Variants in SPATA1 observed in about 807,000 individuals in gnomAD.
SPATA1 encodes the protein spermatogenesis associated 1, also known as spermatogenesis-associated protein 1.
Under a neutral mutation model 59.6 loss-of-function variants are expected in SPATA1, and 57 were observed. The observed-to-expected ratio is 0.96, with a 90% CI of 0.77 to 1.19. SPATA1 has a LOEUF of 1.19. Ranked by LOEUF, SPATA1 falls within the 50% of genes most tolerant of loss-of-function variation. The pLI is 0.00. For synonymous variants in SPATA1, 147 were observed against 163.9 expected (o/e 0.90, Z 0.79); for missense variants, 448 against 480.7 (o/e 0.93, Z 0.64).
rs1682802488 is a variant in SPATA1, at chr1:84,516,537, C to T, written c.36+142C>T. 38 of 568,620 alleles carry T rather than the reference C, an allele frequency of 6.7e-5. No individual in the cohort carries two copies. In the South Asian group the frequency reaches 9.0e-4, roughly 14 times the overall value. 35.2% of individuals were successfully genotyped at this position (568,620 alleles called of 1,614,324 possible). ...GATCCCAACTTCATGTATCCCATTGCCTGATTACACTTCTCGTGTCTCTAG... is the reference window on the plus strand; with the variant it reads ...GATCCCAACTTCATGTATCCCATTGTCTGATTACACTTCTCGTGTCTCTAG... On this transcript the variant is annotated intron_variant, in intron 2 of 12. Transcript: ENST00000490879.
chr1:84,526,393 C>T (rs2101952286), intron 6 of SPATA1, among the ~76,000 whole-genome samples: 1 of 152,180 alleles, frequency 6.6e-6, no homozygotes, highest in Middle Eastern at 3.4e-3. Context: ...GGAAAGGTGA[C>T]TGCATAAAAC....
At chr1:84,511,426 A>G (rs993606924) in intron 1 of SPATA1, among the ~76,000 whole-genome samples, 11 of 152,144 alleles carry the variant, frequency 7.2e-5, no homozygotes, top group African/African-American at 2.7e-4. Context: ...GAACTTTTCA[A>G]CTCAAGACAA....
chr1:84,536,132 A>C (rs1393053983), intron 8 of SPATA1, among the ~76,000 whole-genome samples: 2 of 152,238 alleles, frequency 1.3e-5, no homozygotes, highest in African/African-American at 4.8e-5. Context: ...ATATTTTGTT[A>C]ATTCATGCTA....
At chr1:84,549,067 T>A in intron 11 of SPATA1, 103 bp downstream of exon 11, 2 of 1,147,398 alleles carry the variant, frequency 1.7e-6, no homozygotes, top group Non-Finnish European at 2.3e-6. Context: ...AACTTTGACT[T>A]AAACTTGCTT....
chr1:84,509,888 A>G (rs6660306), intron 1 of SPATA1, among the ~76,000 whole-genome samples: 30,846 of 151,974 alleles, frequency 0.2, 4,501 homozygotes, highest in African/African-American at 0.41. Flanking sequence ...GATTACATCA[A>G]GTTAAAAACC....
chr1:84,521,193 AAGGGAGGG>A (rs757620328), intron 3 of SPATA1, among the ~76,000 whole-genome samples: 2 of 144,456 alleles, frequency 1.4e-5, no homozygotes, highest in Non-Finnish European at 3.0e-5. Context: ...GAACGGAAGG[AAGGGAGGG>A]AGGGAGGGAA....
downstream of SPATA1, chr1:84,554,902 G>T: frequency 2.2e-6 from 2 of 914,498 alleles, no homozygotes; most frequent in South Asian, 1.7e-5. Flanking sequence ...TTAGTATACG[G>T]ATAACAAAAG....
intron 6 of SPATA1, among the ~76,000 whole-genome samples, chr1:84,526,561 TAACTC>T (rs1200589283): frequency 6.6e-6 from 1 of 152,134 alleles, no homozygotes; most frequent in East Asian, 1.9e-4. Context: ...TAATTACTAA[TAACTC>T]AATTCTTCAA....
At chr1:84,546,457 CAAA>C (rs10618711) in intron 10 of SPATA1, among the ~76,000 whole-genome samples, 3,083 of 82,052 alleles carry the variant, frequency 0.038, 106 homozygotes, top group African/African-American at 0.12. Flanking sequence ...GACTCTGCCT[CAAA>C]AAAAAAAAAA....
At chr1:84,531,001 T>C (rs956676809) in intron 6 of SPATA1, among the ~76,000 whole-genome samples, 1 of 152,228 alleles carries the variant, frequency 6.6e-6, no homozygotes, top group African/African-American at 2.4e-5. Context: ...TTTAAACATA[T>C]ATTTGTTGGA....
chr1:84,506,441 G>C (rs1309521204), intron 1 of SPATA1, 23 bp downstream of exon 1: 1 of 170,370 alleles, frequency 5.9e-6, no homozygotes, highest in African/African-American at 2.4e-5. Flanking sequence ...CTTACCGTTA[G>C]CCGCGAAGAA....
intron 3 of SPATA1, among the ~76,000 whole-genome samples, chr1:84,521,467 C>T (rs1341859804): frequency 1.3e-5 from 2 of 152,172 alleles, no homozygotes; most frequent in Non-Finnish European, 2.9e-5. Flanking sequence ...ATAGCCCTAC[C>T]TCAGGACCCT....
At chr1:84,524,322 A>C (rs1399092202) in intron 4 of SPATA1, among the ~76,000 whole-genome samples, 1 of 152,194 alleles carries the variant, frequency 6.6e-6, no homozygotes, top group Non-Finnish European at 1.5e-5. Flanking sequence ...GTGGAGAGCA[A>C]GTTGTAAAGT....
At chr1:84,533,998 A>G (rs1683577688) in intron 8 of SPATA1, among the ~76,000 whole-genome samples, 1 of 152,052 alleles carries the variant, frequency 6.6e-6, no homozygotes, top group South Asian at 2.1e-4. Flanking sequence ...ATCTTCTCAA[A>G]TTTTATTACT....
chr1:84,522,439 T>C, exon 4 of SPATA1: 1 of 1,540,162 alleles, frequency 6.5e-7, no homozygotes, highest in Admixed American at 1.9e-5. Flanking sequence ...TCTTGGTGAG[T>C]TCCTGGGTGA....
In SPATA1 at chr1:84,529,803, C is replaced by T. The variant is rs367673309; in HGVS notation, c.545-3057C>T. On this transcript the variant is annotated intron_variant, in intron 6 of 12. Transcript: ENST00000490879. ...TCAGGTGATCCACCCGCCTCGGCCT[C>T]CCAAAGTGTAGGGATTACAGGCATG... 4.4e-4 allele frequency among the ~76,000 whole-genome samples: 67 copies of T among 151,496 alleles called. No homozygotes were observed. The South Asian group carries it at 0.014, about 31-fold the overall frequency.
downstream of SPATA1, chr1:84,554,763 A>C: frequency 2.6e-6 from 1 of 384,604 alleles, no homozygotes; most frequent in Non-Finnish European, 4.6e-6. Flanking sequence ...TATAGTGTTG[A>C]AACATCTAAT....
In SPATA1 at chr1:84,544,181, C is replaced by T. The variant is rs6576716; in HGVS notation, c.718-21C>T. 4,839 of 1,469,802 alleles carry T rather than the reference C, an allele frequency of 3.3e-3. 139 individuals carry two copies. In the African/African-American group the frequency reaches 0.055, roughly 17 times the overall value. The allele number at this position is 1,469,802 out of a possible 1,614,324, so 91.0% of individuals were successfully genotyped here. On this transcript the variant is annotated intron_variant, in intron 8 of 12. Coordinates refer to ENST00000490879, the Ensembl canonical transcript of SPATA1. ...ATGTGACAGTGTAGCCGATCTTACT[C>T]ATTTTCACGTTTGCTTACAGACAGC... is the stretch of plus-strand genomic sequence containing the variant.
At chr1:84,533,970 C>T (rs1228223295) in intron 8 of SPATA1, among the ~76,000 whole-genome samples, 1 of 151,996 alleles carries the variant, frequency 6.6e-6, no homozygotes, top group Non-Finnish European at 1.5e-5. Flanking sequence ...AAGTTATCCA[C>T]CAACACCTTT....
Sources: allele counts gnomAD v4.1 joint callset (sites outside exome capture counted in the v4.1 genomes callset), GRCh38; gene constraint gnomAD v4.1.1; transcripts MANE v1.5; gene names NCBI Gene and HGNC (gene_info 2026-07-23, HGNC 2026-07-21).